The following GPRASP3 variants were observed in gnomAD, a reference collection of about 807,000 sequenced individuals.
GPRASP3 encodes the protein G protein-coupled receptor associated sorting protein family member 3, also known as G protein-coupled receptor associated sorting protein 3.
chrX:102,752,239 C>A, the GPRASP3 span: 2 of 123,005 alleles, frequency 1.6e-5, no homozygotes, highest in African/African-American at 6.5e-5. Flanking sequence ...TGGCTGAGTT[C>A]TCTAAGACTC....
At chrX:102,745,571 C>T in the GPRASP3 span, among the ~76,000 whole-genome samples, 2 of 111,170 alleles carry the variant, frequency 1.8e-5, no homozygotes, top group African/African-American at 6.6e-5. Flanking sequence ...GACACCCCCT[C>T]TCCCATTAGC....
the GPRASP3 span, among the ~76,000 whole-genome samples, chrX:102,728,992 A>G: frequency 1.8e-5 from 2 of 112,364 alleles, no homozygotes; most frequent in Non-Finnish European, 3.8e-5. Flanking sequence ...ACTGCTAGAG[A>G]CATAAATAGG....
the GPRASP3 span, among the ~76,000 whole-genome samples, chrX:102,735,012 T>G: frequency 1.8e-5 from 2 of 112,253 alleles, no homozygotes; most frequent in Non-Finnish European, 3.8e-5. Context: ...TCAAAGATTT[T>G]AAACATTTGA....
chrX:102,728,672 C>T, the GPRASP3 span, among the ~76,000 whole-genome samples: 3 of 104,556 alleles, frequency 2.9e-5, no homozygotes, highest in Admixed American at 1.1e-4. Flanking sequence ...CCACCTTGGA[C>T]TCCCAAAGTG....
At chrX:102,727,030 T>A in the GPRASP3 span, among the ~76,000 whole-genome samples, 1 of 112,854 alleles carries the variant, frequency 8.9e-6, no homozygotes, top group African/African-American at 3.2e-5. Context: ...TGCTCACTGA[T>A]GGACACAAGT....
chrX:102,752,290 G>A, the GPRASP3 span: 3 of 123,255 alleles, frequency 2.4e-5, no homozygotes, highest in African/African-American at 9.7e-5. Context: ...TGATATGAAA[G>A]TTTCTATGTG....
chrX:102,727,044 G>GAATTCTT, the GPRASP3 span, among the ~76,000 whole-genome samples: 10 of 112,747 alleles, frequency 8.9e-5, no homozygotes, highest in African/African-American at 3.2e-4. Context: ...CACAAGTCAG[G>GAATTCTT]AATTCTTACT....
At chrX:102,726,333 A>G in the GPRASP3 span, among the ~76,000 whole-genome samples, 3 of 112,701 alleles carry the variant, frequency 2.7e-5, no homozygotes, top group African/African-American at 9.7e-5. Flanking sequence ...AGTTATCAAT[A>G]AAAGCATCCA....
chrX:102,722,606 T>G, the GPRASP3 span, among the ~76,000 whole-genome samples: 2 of 111,708 alleles, frequency 1.8e-5, no homozygotes, highest in East Asian at 5.6e-4. Context: ...GTCTTTCTGG[T>G]GACCATCCAT....
At chrX:102,746,386 G>C in the GPRASP3 span, among the ~76,000 whole-genome samples, 6 of 112,927 alleles carry the variant, frequency 5.3e-5, no homozygotes, top group East Asian at 1.7e-3. Flanking sequence ...GGCTTGAGAG[G>C]CACCGTCAGA....
the GPRASP3 span, chrX:102,749,157 A>G: frequency 8.2e-7 from 1 of 1,212,387 alleles, no homozygotes; most frequent in South Asian, 1.8e-5. Context: ...AGACAGATGC[A>G]GTAGCAGAGA....
At chrX:102,742,911 T>G in the GPRASP3 span, among the ~76,000 whole-genome samples, 1 of 111,746 alleles carries the variant, frequency 8.9e-6, no homozygotes, top group African/African-American at 3.3e-5. Flanking sequence ...TTTTGTAAAT[T>G]TTAGGGAGAG....
At chrX:102,733,290 T>C in the GPRASP3 span, among the ~76,000 whole-genome samples, 6 of 110,240 alleles carry the variant, frequency 5.4e-5, no homozygotes, top group South Asian at 1.9e-3. Flanking sequence ...ACCCCGTCTC[T>C]ACTAAAAATA....
At chrX:102,725,671 C>G in the GPRASP3 span, among the ~76,000 whole-genome samples, 1 of 111,124 alleles carries the variant, frequency 9.0e-6, no homozygotes, top group Non-Finnish European at 1.9e-5. Flanking sequence ...GGATTACAGG[C>G]ACACACCACT....
At chrX:102,729,292 C>T in the GPRASP3 span, among the ~76,000 whole-genome samples, 15 of 111,937 alleles carry the variant, frequency 1.3e-4, no homozygotes, top group African/African-American at 3.9e-4. Flanking sequence ...GAGGGAAAGG[C>T]GTTTCTCCTA....
the GPRASP3 span, among the ~76,000 whole-genome samples, chrX:102,732,155 C>T: frequency 9.0e-6 from 1 of 111,387 alleles, no homozygotes; most frequent in Non-Finnish European, 1.9e-5. Context: ...GTAACATTCC[C>T]CCCTCAAGAG....
chrX:102,750,143 A>C, the GPRASP3 span: 16 of 1,208,849 alleles, frequency 1.3e-5, no homozygotes, highest in East Asian at 4.7e-4. Context: ...GAAATGAGAA[A>C]AAAGACTGTA....
the GPRASP3 span, among the ~76,000 whole-genome samples, chrX:102,729,595 C>T: frequency 3.6e-5 from 4 of 112,294 alleles, no homozygotes; most frequent in Non-Finnish European, 7.5e-5. Flanking sequence ...AGAGCCCAGG[C>T]ACAGTGGCTC....
the GPRASP3 span, among the ~76,000 whole-genome samples, chrX:102,728,440 C>T: frequency 9.0e-6 from 1 of 110,732 alleles, no homozygotes; most frequent in Non-Finnish European, 1.9e-5. Context: ...GTTCAGGGAG[C>T]CCCATAAATT....
Sources: allele counts gnomAD v4.1 joint callset (sites outside exome capture counted in the v4.1 genomes callset), GRCh38; gene constraint gnomAD v4.1.1; transcripts MANE v1.5; gene names NCBI Gene and HGNC (gene_info 2026-07-23, HGNC 2026-07-21).